CXCL9: variants seen among roughly 807,000 people sequenced by gnomAD.
The protein encoded by CXCL9 is C-X-C motif chemokine 9.
In CXCL9, 8 loss-of-function variants were observed where a neutral mutation model predicts 11.7. The observed-to-expected ratio is 0.68, with a 90% CI of 0.40 to 1.23. CXCL9 has a LOEUF of 1.23. Ranked by LOEUF, CXCL9 falls within the 50% of genes most tolerant of loss-of-function variation. The probability of loss-of-function intolerance (pLI) is 0.01; values close to 1 mark genes in which losing one functional copy is unlikely to be tolerated. For synonymous variants in CXCL9, 43 were observed against 48.2 expected, an observed-to-expected ratio of 0.89 and a Z score of 0.45; for missense variants, 133 against 141.7, an observed-to-expected ratio of 0.94 and a Z score of 0.31.
intron 1 of CXCL9, among the ~76,000 whole-genome samples, chr4:76,006,523 T>A (rs570224040): frequency 2.0e-5 from 3 of 152,320 alleles, no homozygotes. Flanking sequence ...AGCCCAGATC[T>A]CTCTGAGTCC....
intron 3 of CXCL9, 93 bp downstream of exon 3, chr4:76,004,716 T>G: frequency 2.8e-6 from 4 of 1,428,450 alleles, no homozygotes; most frequent in Admixed American, 2.7e-5. Flanking sequence ...TTAAAAGTTA[T>G]GTATTCTTAT....
At chr4:76,003,789 C>CCCACATAGTCTCAAAA in intron 3 of CXCL9, 90 bp from the exon 4 acceptor site, 1 of 733,006 alleles carries the variant, frequency 1.4e-6, no homozygotes, top group Non-Finnish European at 2.3e-6. Context: ...TTGTCTCATA[C>CCCACATAGTCTCAAAA]CCACATAGTC....
rs1731459689 is a variant in CXCL9, at chr4:76,001,361, A to G, written c.*2237T>C. 6.6e-6 allele frequency: 1 copy of G among 152,140 alleles called. No homozygotes were observed. The highest frequency in any genetic ancestry group is 2.4e-5 in the African/African-American group (1 of 41,430). 9.4% of individuals were successfully genotyped at this position (152,140 alleles called of 1,614,324 possible). A position where few individuals can be genotyped will look rare whatever the true frequency, so the allele number is the denominator to read the frequency against. Reference sequence around the variant, plus strand: ...CATGTGTTATCTCAACTAGTGTTACACTTTATTTGAGAGAAAGCTAAAAAG... The same window carrying G: ...CATGTGTTATCTCAACTAGTGTTACGCTTTATTTGAGAGAAAGCTAAAAAG... On this transcript the variant is annotated 3_prime_UTR_variant, in exon 4 of 4. Transcript: ENST00000264888.
intron 3 of CXCL9, among the ~76,000 whole-genome samples, 173 bp from the exon 4 acceptor site, chr4:76,003,872 G>T (rs1731528287): frequency 6.6e-6 from 1 of 152,134 alleles, no homozygotes; most frequent in African/African-American, 2.4e-5. Context: ...TCACTTTGAG[G>T]AGGAGGCAAC....
At chr4:76,005,889 T>C (rs1363154958) in intron 2 of CXCL9, 1 of 313,144 alleles carries the variant, frequency 3.2e-6, no homozygotes, top group Non-Finnish European at 6.1e-6. Flanking sequence ...GAATTATGCG[T>C]GATTTTTATT....
chr4:76,004,783 A>T, intron 3 of CXCL9, 26 bp downstream of exon 3: 2 of 1,583,724 alleles, frequency 1.3e-6, no homozygotes, highest in South Asian at 2.4e-5. Flanking sequence ...AAAAGAAAGA[A>T]AATTTTGATC....
In CXCL9 at chr4:76,002,697, A is replaced by G. The variant is rs1400031206; in HGVS notation, c.*901T>C. The G allele has an allele frequency of 4.1e-6, 1 of 245,910 alleles. No individual in the cohort carries two copies. Among genetic ancestry groups the G allele is most frequent in the African/African-American group, 2.2e-5 (1 of 45,020 alleles). The allele number at this position is 245,910 out of a possible 1,614,324, so 15.2% of individuals were successfully genotyped here. A position where few individuals can be genotyped will look rare whatever the true frequency, so the allele number is the denominator to read the frequency against. ...ACCATTGAGTGTTCACCCATGTGGTACTGAACCAAGTGAAACAGGAGTTTT... is the reference window on the plus strand; with the variant it reads ...ACCATTGAGTGTTCACCCATGTGGTGCTGAACCAAGTGAAACAGGAGTTTT... On this transcript the variant is annotated 3_prime_UTR_variant, in exon 4 of 4. Transcript: ENST00000264888.
Position 76,006,208 on chromosome 4 carries a change from T to A in CXCL9, c.131A>T (p.Gln44Leu), listed in dbSNP as rs762679625. 1 of 1,613,760 alleles carries A rather than the reference T, an allele frequency of 6.2e-7. No homozygotes were observed. Among genetic ancestry groups the A allele is most frequent in the Non-Finnish European group, 8.5e-7 (1 of 1,179,772 alleles). ...ISTNQGTIHL[Q>L]SLKDLKQFAP... ...AAATTGTTTAAGGTCTTTCAAGGAT[T>A]GTAGGTGGATAGTCCCTTGGTTGGT... The change falls in exon 2 of 4, where the codon CAA becomes CTA. Residue 44 changes from glutamine (Q) to leucine (L), a missense_variant. Coordinates refer to ENST00000264888, the MANE Select transcript of CXCL9 (RefSeq NM_002416.3).
At position 76,004,809 on chromosome 4, in the gene CXCL9, C is replaced by G; in HGVS notation, c.276G>C (p.Gln92His). 1 of 1,590,678 alleles carries G rather than the reference C, an allele frequency of 6.3e-7. No individual in the cohort carries two copies. Among genetic ancestry groups the G allele is most frequent in the Non-Finnish European group, 8.5e-7 (1 of 1,172,872 alleles). ...VKELIKKWEK[Q>H]VSQKKKQKNG... Reference sequence around the variant, plus strand: ...AATTTTGATCTTCCTTTTCACCAACCTGTTTCTCCCACTTTTTAATCAGTT... The same window carrying G: ...AATTTTGATCTTCCTTTTCACCAACGTGTTTCTCCCACTTTTTAATCAGTT... The change falls in exon 3 of 4, where the codon CAG becomes CAC. Residue 92 changes from glutamine to histidine, a missense_variant and splice_region_variant. Coordinates refer to ENST00000264888, the MANE Select transcript of CXCL9 (RefSeq NM_002416.3).
intron 2 of CXCL9, 110 bp downstream of exon 2, chr4:76,006,038 C>A: frequency 2.1e-6 from 2 of 945,918 alleles, no homozygotes; most frequent in Admixed American, 2.1e-5. Flanking sequence ...AGGGGGTAAC[C>A]ATCTGATTTT....
intron 1 of CXCL9, among the ~76,000 whole-genome samples, chr4:76,007,149 G>A (rs567768796): frequency 6.6e-6 from 1 of 152,226 alleles, no homozygotes; most frequent in Admixed American, 6.5e-5. Flanking sequence ...CCAGTTCAAT[G>A]AACATTTATT....
chr4:76,004,874 C>T lies in CXCL9; in HGVS notation c.211G>A (p.Val71Ile). Residue 71 changes from valine to isoleucine, a missense_variant, in exon 3 of 4, where the codon GTT (valine) becomes ATT (isoleucine). Physicochemically the swap from Val to Ile is conservative, Grantham distance 29. Transcript: ENST00000264888. ...GAATCTGGGTTTAGACATGTTTGAA[C>T]TCCATTCTTCAGTGTAGCACTGCCA... ...IEIIATLKNGVQTCLNPDSAD... is the reference protein window; with the variant it reads ...IEIIATLKNGIQTCLNPDSAD... The T allele has an allele frequency of 6.2e-7, 1 of 1,606,202 alleles. No individual in the cohort carries two copies. The highest frequency in any genetic ancestry group is 1.1e-5 in the South Asian group (1 of 88,688).
chr4:76,004,939 T>G lies in CXCL9; in HGVS notation c.192-46A>C, dbSNP rs760392187. 47 of 1,488,062 alleles carry G rather than the reference T, an allele frequency of 3.2e-5. No individual in the cohort carries two copies. In the South Asian group the frequency reaches 6.3e-4, roughly 20 times the overall value. The allele number at this position is 1,488,062 out of a possible 1,614,324, so 92.2% of individuals were successfully genotyped here. On this transcript the variant is annotated intron_variant, in intron 2 of 3. Transcript: ENST00000264888. ...AGATAGTTTTTTCTCATTAATAATTTAAATGCTTCTTCTCAGAAATAATGA... is the reference window on the plus strand; with the variant it reads ...AGATAGTTTTTTCTCATTAATAATTGAAATGCTTCTTCTCAGAAATAATGA...
At chr4:76,005,229 T>G (rs1249276339) in intron 2 of CXCL9, 1 of 170,768 alleles carries the variant, frequency 5.9e-6, no homozygotes, top group African/African-American at 2.4e-5. Flanking sequence ...GTATTTTTAG[T>G]AGAGACAGGG....
At chr4:76,003,893 C>G (rs527751325) in intron 3 of CXCL9, among the ~76,000 whole-genome samples, 194 bp from the exon 4 acceptor site, 17 of 152,312 alleles carry the variant, frequency 1.1e-4, no homozygotes, top group Admixed American at 9.8e-4. Flanking sequence ...AGCCTTCAAA[C>G]TGGCTGTCTT....
intron 1 of CXCL9, 38 bp from the exon 2 acceptor site, chr4:76,006,312 C>G: frequency 6.3e-7 from 1 of 1,587,862 alleles, no homozygotes. Flanking sequence ...TCAGTATAGG[C>G]CAATGTTTCA....
rs1391258016 is a variant in CXCL9 at position 76,006,033 on chromosome 4, G to A, written c.191+115C>T. ...GGAGCTGCCCAAATTTATGGAGGGG[G>A]TAACCATCTGATTTTTAAGTGTTTG... On this transcript the variant is annotated intron_variant, in intron 2 of 3. Coordinates refer to ENST00000264888, the MANE Select transcript of CXCL9 (RefSeq NM_002416.3). 3.3e-6 allele frequency: 3 copies of A among 916,260 alleles called. No individual in the cohort carries two copies. The African/African-American group carries it at 5.0e-5, about 15-fold the overall frequency. The allele number at this position is 916,260 out of a possible 1,614,324, so 56.8% of individuals were successfully genotyped here.
In CXCL9 at chr4:76,003,710, A is replaced by G. The variant is rs368678965; in HGVS notation, c.277-11T>C. ...TTTCTTTTGGCTGACCTGTGAGAAG[A>G]AGGGGAAAAAGGGCAATGTTTCTGA... On this transcript the variant is annotated splice_polypyrimidine_tract_variant and intron_variant, in intron 3 of 3. Transcript: ENST00000264888. 1.4e-6 allele frequency: 2 copies of G among 1,408,854 alleles called. No individual in the cohort carries two copies. The highest frequency in any genetic ancestry group is 2.0e-6 in the Non-Finnish European group (2 of 998,990). 87.3% of individuals were successfully genotyped at this position (1,408,854 alleles called of 1,614,324 possible).
chr4:76,006,335 T>A, intron 1 of CXCL9, 61 bp from the exon 2 acceptor site: 2 of 1,510,788 alleles, frequency 1.3e-6, no homozygotes, highest in Non-Finnish European at 9.0e-7. Context: ...TTAGGTGATC[T>A]ATCAAAATGA....
Sources: allele counts gnomAD v4.1 joint callset (sites outside exome capture counted in the v4.1 genomes callset), GRCh38; gene constraint gnomAD v4.1.1; transcripts MANE v1.5; gene names NCBI Gene and HGNC (gene_info 2026-07-23, HGNC 2026-07-21).